Variants in BSPRY observed in about 807,000 individuals in gnomAD.
BSPRY encodes B-box and SPRY domain containing.
A neutral mutation model predicts 38.0 loss-of-function variants in BSPRY; 33 were observed. The observed-to-expected ratio is 0.87, with a 90% confidence interval of 0.66 to 1.16. The LOEUF (loss-of-function observed/expected upper bound fraction) is 1.16. BSPRY is among the 50% of genes most tolerant of loss of function. BSPRY has a pLI of 0.00. For synonymous variants in BSPRY, 224 were observed against 228.5 expected (o/e 0.98, Z 0.18); for missense variants, 523 against 533.2 (o/e 0.98, Z 0.19).
rs1834283120 is a variant in BSPRY at position 113,368,258 on chromosome 9, G to A, written c.558-1G>A. ...TCTGTCTCTGTTTTTCCCCATATAA[G>A]GACCGAAGAAGCAGAGGGCATTTTG... On this transcript the variant is annotated splice_acceptor_variant, in intron 4 of 5. Transcript: ENST00000374183. LOFTEE classifies it high-confidence loss of function. 6.2e-7 allele frequency: 1 copy of A among 1,613,770 alleles called. No individual in the cohort carries two copies. Among genetic ancestry groups the A allele is most frequent in the South Asian group, 1.1e-5 (1 of 91,070 alleles).
Position 113,369,932 on chromosome 9 carries a change from GT to G in BSPRY, c.1002del (p.Arg335ValfsTer22). 1 of 1,614,222 alleles carries G rather than the reference GT, an allele frequency of 6.2e-7. No homozygotes were observed. Among genetic ancestry groups the G allele is most frequent in the Non-Finnish European group, 8.5e-7 (1 of 1,180,046 alleles). ...SWVFSRYDQEFRFSHNGQHEP... is the reference protein window; with the variant it reads ...SWVFSRYDQEXRFSHNGQHEP... ...GGGTCTTCTCTCGCTATGATCAGGAGTTTCGTTTCTCACACAATGGGCAGCA... is the reference window on the plus strand; with the variant it reads ...GGGTCTTCTCTCGCTATGATCAGGAGTTCGTTTCTCACACAATGGGCAGCA... On this transcript the variant is annotated frameshift_variant, in exon 6 of 6. Transcript: ENST00000374183. LOFTEE classifies it high-confidence loss of function.
chr9:113,370,210 T>A lies in BSPRY; in HGVS notation c.*68T>A, dbSNP rs1177854304. 26 of 1,486,334 alleles carry A rather than the reference T, an allele frequency of 1.7e-5. No homozygotes were observed. Among genetic ancestry groups the A allele is most frequent in the Non-Finnish European group, 2.3e-5 (25 of 1,109,122 alleles). The allele number at this position is 1,486,334 out of a possible 1,614,324, so 92.1% of individuals were successfully genotyped here. On this transcript the variant is annotated 3_prime_UTR_variant, in exon 6 of 6. Coordinates refer to ENST00000374183, the MANE Select transcript of BSPRY (RefSeq NM_017688.3). This position sits in a 1 kb window ranked among gnomAD's most constrained non-coding sequence, Gnocchi z 4.8. ...CAGGCCATGTTTCTACTCAGTGTGC[T>A]TTTCCCAAATGATGTGTGTGGTGTT...
intron 1 of BSPRY, among the ~76,000 whole-genome samples, chr9:113,351,543 A>G (rs1833970773): frequency 6.6e-6 from 1 of 152,124 alleles, no homozygotes; most frequent in African/African-American, 2.4e-5. Flanking sequence ...ATGAAATGTA[A>G]CTAATTTCTA....
At chr9:113,360,481 C>A in intron 2 of BSPRY, 26 bp from the exon 3 acceptor site, 1 of 1,568,038 alleles carries the variant, frequency 6.4e-7, no homozygotes, top group South Asian at 1.2e-5. Context: ...ACAGACCACC[C>A]AACTCCTCAT....
chr9:113,351,025 G>A (rs1833961919), intron 1 of BSPRY, among the ~76,000 whole-genome samples: 1 of 152,192 alleles, frequency 6.6e-6, no homozygotes, highest in South Asian at 2.1e-4. Context: ...GGGACCCAGG[G>A]AGTCATTGAC....
In BSPRY at chr9:113,369,986, A is replaced by G; in HGVS notation, c.1053A>G (p.Pro351=). Residue 351 remains proline (P), a synonymous_variant, in exon 6 of 6, where the codon CCA becomes CCG. Coordinates refer to ENST00000374183, the MANE Select transcript of BSPRY (RefSeq NM_017688.3). The part of the protein sequence containing the change: ...QHEPLGLLRG[P]AQLGVVLDLQ... ...AGCCCCTGGGGCTGCTGCGGGGCCC[A>G]GCCCAGCTGGGTGTAGTGCTGGACT... 6.2e-7 allele frequency: 1 copy of G among 1,614,160 alleles called. No homozygotes were observed. Among genetic ancestry groups the G allele is most frequent in the Middle Eastern group, 1.6e-4 (1 of 6,062 alleles).
At chr9:113,357,918 ATATATATATATATATATATATATATC>A (rs1253846631) in intron 2 of BSPRY, among the ~76,000 whole-genome samples, 3,505 of 29,502 alleles carry the variant, frequency 0.12, 227 homozygotes, top group African/African-American at 0.28. Flanking sequence ...ATATATATAT[ATATATATATATATATATATATATATC>A]TCTATTAAGC....
rs574866623 is a variant in BSPRY at position 113,355,256 on chromosome 9, A to G, written c.300+918A>G. ...GCAGAGCCTATGAATTTCTTTCTGC[A>G]TATCCCCTCCCTCCTTTCCCTATAG... is the stretch of plus-strand genomic sequence containing the variant. On this transcript the variant is annotated intron_variant, in intron 2 of 5. Transcript: ENST00000374183. Among the ~76,000 whole-genome samples, 5 of 152,324 alleles carry G rather than the reference A, an allele frequency of 3.3e-5. No homozygotes were observed. In the East Asian group the frequency reaches 7.7e-4, roughly 23 times the overall value.
At chr9:113,352,434 G>A (rs1186487137) in intron 1 of BSPRY, among the ~76,000 whole-genome samples, 1 of 151,668 alleles carries the variant, frequency 6.6e-6, no homozygotes, top group Non-Finnish European at 1.5e-5. Flanking sequence ...GATGGTCAGG[G>A]AAGACCTCTC....
chr9:113,367,751 A>T (rs1834274282), intron 4 of BSPRY, among the ~76,000 whole-genome samples: 1 of 152,172 alleles, frequency 6.6e-6, no homozygotes, highest in African/African-American at 2.4e-5. Context: ...CAGCTTTGCT[A>T]AAATTAAGGC....
chr9:113,362,558 G>T (rs998841133), intron 4 of BSPRY, among the ~76,000 whole-genome samples, 164 bp downstream of exon 4: 1 of 152,162 alleles, frequency 6.6e-6, no homozygotes, highest in Admixed American at 6.5e-5. Flanking sequence ...CTCTGCCCTT[G>T]GCTTAGAGAA....
rs575111200 is a variant in BSPRY at position 113,350,134 on chromosome 9, G to C, written c.201+354G>C. 3.3e-5 allele frequency among the ~76,000 whole-genome samples: 5 copies of C among 152,284 alleles called. No homozygotes were observed. In the East Asian group the frequency reaches 9.6e-4, roughly 29 times the overall value. On this transcript the variant is annotated intron_variant, in intron 1 of 5. Coordinates refer to ENST00000374183, the MANE Select transcript of BSPRY (RefSeq NM_017688.3). ...CGATAAGGGGATCCAGGCTCCCCAG[G>C]CCCCTTCCATTGCTCTGTTGAGGAA...
rs997221824 is a variant in BSPRY at position 113,356,861 on chromosome 9, G to C, written c.300+2523G>C. 5.9e-5 allele frequency among the ~76,000 whole-genome samples: 9 copies of C among 152,114 alleles called. No homozygotes were observed. The South Asian group carries it at 1.2e-3, about 21-fold the overall frequency. ...GGTTGGCGGAGGCAGGGAGGGGAGT[G>C]GGGGAGAGCAGGCATGCTAAGTTGT... On this transcript the variant is annotated intron_variant, in intron 2 of 5. Coordinates refer to ENST00000374183, the MANE Select transcript of BSPRY (RefSeq NM_017688.3).
At chr9:113,361,350 T>G (rs984955338) in intron 3 of BSPRY, among the ~76,000 whole-genome samples, 1 of 152,246 alleles carries the variant, frequency 6.6e-6, no homozygotes, top group Admixed American at 6.5e-5. Flanking sequence ...CTATGTTTCT[T>G]TGGCACTGAT....
intron 5 of BSPRY, among the ~76,000 whole-genome samples, 156 bp downstream of exon 5, chr9:113,368,539 A>AG (rs1192245229): frequency 1.3e-5 from 2 of 152,192 alleles, no homozygotes; most frequent in African/African-American, 4.8e-5. Context: ...TCAAGGTTCC[A>AG]GACAGGCCTG....
At chr9:113,368,857 T>A (rs925168084) in intron 5 of BSPRY, among the ~76,000 whole-genome samples, 15 of 152,176 alleles carry the variant, frequency 9.9e-5, no homozygotes, top group African/African-American at 3.6e-4. Flanking sequence ...ACTGACATGG[T>A]CTTCTGCCTC....
At chr9:113,356,498 T>C (rs955496260) in intron 2 of BSPRY, among the ~76,000 whole-genome samples, 3 of 95,000 alleles carry the variant, frequency 3.2e-5, no homozygotes, top group Non-Finnish European at 6.5e-5. Flanking sequence ...TGCGAGACTC[T>C]GTCTCAAAAA....
intron 1 of BSPRY, among the ~76,000 whole-genome samples, chr9:113,350,309 C>A (rs368316959): frequency 2.0e-5 from 3 of 152,270 alleles, no homozygotes; most frequent in East Asian, 3.9e-4. Context: ...CCTTTCGCCT[C>A]TTCCCCCTGC....
At chr9:113,365,412 A>G (rs555915469) in intron 4 of BSPRY, among the ~76,000 whole-genome samples, 1 of 152,290 alleles carries the variant, frequency 6.6e-6, no homozygotes, top group South Asian at 2.1e-4. Context: ...TGTTATTACT[A>G]ATTTTGACAT....
Sources: allele counts gnomAD v4.1 joint callset (sites outside exome capture counted in the v4.1 genomes callset), GRCh38; gene constraint gnomAD v4.1.1; non-coding constraint Gnocchi (gnomAD v3.1); transcripts MANE v1.5; gene names NCBI Gene and HGNC (gene_info 2026-07-23, HGNC 2026-07-21).